PPARGC1B: variants seen among roughly 807,000 people sequenced by gnomAD.
The protein encoded by PPARGC1B is PPARG coactivator 1 beta, also known as peroxisome proliferator-activated receptor gamma coactivator 1-beta.
Under a neutral mutation model 101.6 loss-of-function variants are expected in PPARGC1B, and 34 were observed. The ratio of observed to expected loss-of-function variants is 0.33; its 90% CI spans 0.25 to 0.45. The LOEUF (loss-of-function observed/expected upper bound fraction) is 0.45, where lower values mean the gene tolerates loss of function less well. PPARGC1B is among the 20% of genes least tolerant of loss of function. The probability of loss-of-function intolerance (pLI) is 1.00; values close to 1 mark genes in which losing one functional copy is unlikely to be tolerated. For synonymous variants in PPARGC1B, 548 were observed against 539.3 expected, an observed-to-expected ratio of 1.02 and a Z score of -0.22; for missense variants, 1,234 against 1,317.6, an observed-to-expected ratio of 0.94 and a Z score of 0.98.
chr5:149,738,789 G>T (rs146560425), intron 1 of PPARGC1B, among the ~76,000 whole-genome samples: 3 of 152,136 alleles, frequency 2.0e-5, no homozygotes, highest in Non-Finnish European at 4.4e-5. Flanking sequence ...TAGAGATGGG[G>T]TTTCACCATA....
chr5:149,785,088 C>T (rs1035091562), intron 1 of PPARGC1B, among the ~76,000 whole-genome samples: 3 of 152,172 alleles, frequency 2.0e-5, no homozygotes, highest in African/African-American at 7.2e-5. Flanking sequence ...GTTCTCTATA[C>T]TAACAGAGTT....
intron 1 of PPARGC1B, among the ~76,000 whole-genome samples, chr5:149,735,201 C>G (rs1365783695): frequency 6.6e-6 from 1 of 152,174 alleles, no homozygotes; most frequent in Non-Finnish European, 1.5e-5. Flanking sequence ...GACCTGGGCT[C>G]CACTTTCATT....
chr5:149,765,715 G>T (rs1021793815), intron 1 of PPARGC1B, among the ~76,000 whole-genome samples: 2 of 152,068 alleles, frequency 1.3e-5, no homozygotes, highest in African/African-American at 2.4e-5. Context: ...CAAAAAATTA[G>T]CCAGGCGTGG....
Position 149,826,700 on chromosome 5 carries a change from G to A in PPARGC1B, c.280G>A (p.Ala94Thr), listed in dbSNP as rs750870909. The A allele has an allele frequency of 6.2e-7, 1 of 1,614,070 alleles. No homozygotes were observed. The highest frequency in any genetic ancestry group is 1.1e-5 in the South Asian group (1 of 91,082). The change falls in exon 3 of 12, where the codon GCA becomes ACA. Residue 94 changes from alanine to threonine, a missense_variant. Physicochemically the swap from Ala to Thr is moderately conservative, Grantham distance 58 (BLOSUM62 0). Coordinates refer to ENST00000309241, the MANE Select transcript of PPARGC1B (RefSeq NM_133263.4). Reference protein sequence around the residue: ...QIDSENEALLAELTKTLDDIP... With the variant: ...QIDSENEALLTELTKTLDDIP... ...TGACAGTGAGAATGAGGCCCTCCTGGCAGAGCTCACCAAGACCCTGGATGA... is the reference window on the plus strand; with the variant it reads ...TGACAGTGAGAATGAGGCCCTCCTGACAGAGCTCACCAAGACCCTGGATGA...
rs574940431 is a variant in PPARGC1B, at chr5:149,842,395, A to G, written c.2816+18A>G. On this transcript the variant is annotated intron_variant, in intron 10 of 11. Transcript: ENST00000309241. ...AATAGGAGGTGAGTTGAACCAAGCCATGGCAAATGAAGGGAGCAGAGAGGG... is the reference window on the plus strand; with the variant it reads ...AATAGGAGGTGAGTTGAACCAAGCCGTGGCAAATGAAGGGAGCAGAGAGGG... 3.7e-6 allele frequency: 6 copies of G among 1,611,072 alleles called. No individual in the cohort carries two copies. The Admixed American group carries it at 1.0e-4, about 27-fold the overall frequency.
chr5:149,782,962 T>G (rs187250173), intron 1 of PPARGC1B, among the ~76,000 whole-genome samples: 34 of 152,222 alleles, frequency 2.2e-4, no homozygotes, highest in African/African-American at 7.9e-4. Flanking sequence ...AAAGGGCTTG[T>G]GTGAATGCAG....
In PPARGC1B at chr5:149,836,489, G is replaced by A; in HGVS notation, c.2034G>A (p.Gln678=). 6.2e-7 allele frequency: 1 copy of A among 1,614,010 alleles called. No individual in the cohort carries two copies. The highest frequency in any genetic ancestry group is 8.5e-7 in the Non-Finnish European group (1 of 1,180,034). The change falls in exon 8 of 12, where the codon CAG becomes CAA. Residue 678 remains glutamine, a synonymous_variant. Coordinates refer to ENST00000309241, the MANE Select transcript of PPARGC1B (RefSeq NM_133263.4). ...ATGCCACAGCCCAGCCAGCCTCCCA[G>A]GCTGGCCAGAAGCGTCCCTTCTCCT... ...LRHATAQPAS[Q]AGQKRPFSCS...
In PPARGC1B at chr5:149,836,657, C is replaced by T; in HGVS notation, c.2202C>T (p.Ala734=). The T allele has an allele frequency of 6.2e-7, 1 of 1,613,804 alleles. No homozygotes were observed. Among genetic ancestry groups the T allele is most frequent in the East Asian group, 2.2e-5 (1 of 44,870 alleles). The change falls in exon 8 of 12, where the codon GCC becomes GCT. Residue 734 remains alanine (A), a synonymous_variant. Transcript: ENST00000309241. ...GTGCCCCTTGGGCTGAGGCACAGGC[C>T]CCTGGCAGGGAGGAAGACAGAAGCT... The part of the protein sequence containing the change: ...QQGAPWAEAQ[A]PGREEDRSCD...
intron 1 of PPARGC1B, among the ~76,000 whole-genome samples, chr5:149,811,174 G>T (rs1285357294): frequency 6.6e-6 from 1 of 152,190 alleles, no homozygotes; most frequent in Non-Finnish European, 1.5e-5. Flanking sequence ...CATTGAAACC[G>T]CAAGTCATCT....
At chr5:149,757,099 G>A (rs4705089) in intron 1 of PPARGC1B, among the ~76,000 whole-genome samples, 67,688 of 151,878 alleles carry the variant, frequency 0.45, 15,424 homozygotes, top group South Asian at 0.53. Flanking sequence ...ATAAAACAAG[G>A]GCATGTCATG....
intron 1 of PPARGC1B, among the ~76,000 whole-genome samples, chr5:149,803,520 G>A (rs959307586): frequency 1.3e-5 from 2 of 152,280 alleles, no homozygotes; most frequent in East Asian, 1.9e-4. Flanking sequence ...TTACATGTGC[G>A]TATGGCAGGG....
downstream of PPARGC1B, among the ~76,000 whole-genome samples, chr5:149,856,738 G>T (rs924168297): frequency 6.6e-6 from 1 of 151,150 alleles, no homozygotes; most frequent in Admixed American, 6.6e-5. Flanking sequence ...CTTACAAGCT[G>T]GGGTTCTGGG....
At position 149,730,376 on chromosome 5, in the gene PPARGC1B, G is replaced by C; in HGVS notation, c.34G>C (p.Glu12Gln). The change falls in exon 1 of 12, where the codon GAA (glutamate) becomes CAA (glutamine). Residue 12 changes from glutamate (E) to glutamine (Q), a missense_variant. Coordinates refer to ENST00000309241, the MANE Select transcript of PPARGC1B (RefSeq NM_133263.4). The surrounding 1 kb of genome is among the most constrained non-coding windows in gnomAD (Gnocchi z 4.0). ...AGNDCGALLD[E>Q]ELSSFFLNYL... is the part of the protein sequence containing the mutation. The stretch of plus-strand genomic sequence containing the variant: ...GAACGACTGCGGCGCGCTGCTGGAC[G>C]AAGAGCTCTCCTCCTTCTTCCTCAA... 1 of 1,575,024 alleles carries C rather than the reference G, an allele frequency of 6.3e-7. No homozygotes were observed. The highest frequency in any genetic ancestry group is 8.6e-7 in the Non-Finnish European group (1 of 1,163,360).
intron 1 of PPARGC1B, among the ~76,000 whole-genome samples, chr5:149,772,515 A>G (rs1414773007): frequency 6.6e-6 from 1 of 152,122 alleles, no homozygotes; most frequent in African/African-American, 2.4e-5. Context: ...TGAAGGCCAG[A>G]AGTCTAAAAG....
At chr5:149,760,986 G>A (rs1433560560) in intron 1 of PPARGC1B, among the ~76,000 whole-genome samples, 1 of 152,198 alleles carries the variant, frequency 6.6e-6, no homozygotes, top group Non-Finnish European at 1.5e-5. Context: ...GGGCATCTGG[G>A]CGGATTTGTT....
At chr5:149,814,924 G>A (rs1249733977) in intron 1 of PPARGC1B, among the ~76,000 whole-genome samples, 1 of 152,240 alleles carries the variant, frequency 6.6e-6, no homozygotes, top group Non-Finnish European at 1.5e-5. Context: ...CCTACACACG[G>A]GCCGTACAAA....
intron 1 of PPARGC1B, among the ~76,000 whole-genome samples, chr5:149,753,459 C>T (rs964133613): frequency 6.6e-6 from 1 of 152,134 alleles, no homozygotes; most frequent in African/African-American, 2.4e-5. Flanking sequence ...CCTCCCACCT[C>T]GGCCTCCCAA....
intron 1 of PPARGC1B, among the ~76,000 whole-genome samples, chr5:149,752,330 C>T (rs1056270178): frequency 6.6e-6 from 1 of 152,156 alleles, no homozygotes; most frequent in Non-Finnish European, 1.5e-5. Flanking sequence ...TTAACTGATC[C>T]ACCTTGTGAT....
intron 1 of PPARGC1B, among the ~76,000 whole-genome samples, chr5:149,779,488 A>G (rs1756517444): frequency 6.6e-6 from 1 of 152,174 alleles, no homozygotes; most frequent in Non-Finnish European, 1.5e-5. Context: ...CATCTACTGT[A>G]TAGCACACAC....
Sources: allele counts gnomAD v4.1 joint callset (sites outside exome capture counted in the v4.1 genomes callset), GRCh38; gene constraint gnomAD v4.1.1; non-coding constraint Gnocchi (gnomAD v3.1); transcripts MANE v1.5; gene names NCBI Gene and HGNC (gene_info 2026-07-23, HGNC 2026-07-21).